Variants in TEAD2 observed in about 807,000 individuals in gnomAD.
TEAD2 encodes TEA domain transcription factor 2.
TEAD2 carries 51 observed loss-of-function variants against 61.4 expected under a neutral mutation model. The observed-to-expected ratio is 0.83, with a 90% CI of 0.66 to 1.05. TEAD2 has a LOEUF of 1.05. TEAD2 is among the 50% of genes least tolerant of loss of function. The probability of loss-of-function intolerance (pLI) is 0.00; values close to 1 mark genes in which losing one functional copy is unlikely to be tolerated. For missense variants in TEAD2, 509 were observed against 600.0 expected (o/e 0.85, Z 1.58); for synonymous variants, 244 against 243.2 (o/e 1.00, Z -0.03).
At chr19:49,357,348 A>G (rs1217899063) in intron 3 of TEAD2, 34 bp from the exon 4 acceptor site, 2 of 1,609,172 alleles carry the variant, frequency 1.2e-6, no homozygotes, top group East Asian at 2.2e-5. Context: ...GATTCAGGCC[A>G]CAGCCACCGC....
At chr19:49,346,229 T>G (rs1043404134) in intron 10 of TEAD2, among the ~76,000 whole-genome samples, 6 of 150,958 alleles carry the variant, frequency 4.0e-5, no homozygotes, top group Non-Finnish European at 5.9e-5. Context: ...CCTGTAGTGT[T>G]AGTCATCATA....
rs1248155145 is a variant in TEAD2, at chr19:49,341,285, AGGGTGTTCTGGG to A, written c.*27_*38del. On this transcript the variant is annotated 3_prime_UTR_variant, in exon 13 of 13. Coordinates refer to ENST00000593945, the MANE Select transcript of TEAD2 (RefSeq NM_001256660.2). The surrounding 1 kb of genome is among the most constrained non-coding windows in gnomAD (Gnocchi z 4.2). ...GAGCTGGAGGACCCTCCCTGGGAGG[AGGGTGTTCTGGG>A]GGGTGAGCCAGTTTTGGGGTCCCCC... 6.5e-7 allele frequency: 1 copy of A among 1,543,622 alleles called. No individual in the cohort carries two copies. The highest frequency in any genetic ancestry group is 1.1e-5 in the South Asian group (1 of 89,672).
At chr19:49,343,855 T>TGGGGG (rs549395579) in intron 10 of TEAD2, among the ~76,000 whole-genome samples, 4 of 113,508 alleles carry the variant, frequency 3.5e-5, no homozygotes, top group South Asian at 3.0e-4. Context: ...TCTTTTTTTT[T>TGGGGG]GGGGGGGGGG....
chr19:49,359,564 A>G lies in TEAD2; in HGVS notation c.233-65T>C. 6.4e-7 allele frequency: 1 copy of G among 1,566,494 alleles called. No homozygotes were observed. The highest frequency in any genetic ancestry group is 8.8e-7 in the Non-Finnish European group (1 of 1,137,302). On this transcript the variant is annotated intron_variant, in intron 2 of 12. Coordinates refer to ENST00000593945, the MANE Select transcript of TEAD2 (RefSeq NM_001256660.2). The surrounding 1 kb of genome is among the most constrained non-coding windows in gnomAD (Gnocchi z 4.1). ...AACAGAACTTCCCCACAGCATGGAC[A>G]CCAGGGAAGAAGAAAGCAGCATGGG... is the stretch of plus-strand genomic sequence containing the variant.
intron 4 of TEAD2, among the ~76,000 whole-genome samples, chr19:49,356,982 CTCTG>C (rs778259464): frequency 2.0e-5 from 3 of 151,868 alleles, no homozygotes; most frequent in African/African-American, 7.3e-5. Flanking sequence ...CTCTGTCCCC[CTCTG>C]TCTATGGGTC....
At chr19:49,355,127 G>C (rs750909244) in intron 7 of TEAD2, 21 bp downstream of exon 7, 5 of 1,599,608 alleles carry the variant, frequency 3.1e-6, no homozygotes, top group Non-Finnish European at 4.3e-6. Context: ...CAGGTGCTGA[G>C]CCAGGACACA....
chr19:49,351,246 G>C, intron 8 of TEAD2, 55 bp downstream of exon 8: 1 of 1,522,386 alleles, frequency 6.6e-7, no homozygotes, highest in Non-Finnish European at 9.0e-7. Flanking sequence ...AGGAAAGGCA[G>C]TAGGGGTCGA....
In TEAD2 at chr19:49,359,421, G is replaced by A. The variant is rs1299845593; in HGVS notation, c.297+14C>T. ...GCCCATCCCAGACAGAAGCCCACAA[G>A]TCCATTCCGAGACCTGTTTTCGAGT... On this transcript the variant is annotated intron_variant, in intron 3 of 12. Transcript: ENST00000593945. This position sits in a 1 kb window ranked among gnomAD's most constrained non-coding sequence, Gnocchi z 4.1. The A allele has an allele frequency of 2.5e-6, 4 of 1,613,722 alleles. No homozygotes were observed. The highest frequency in any genetic ancestry group is 3.4e-6 in the Non-Finnish European group (4 of 1,179,868).
intron 7 of TEAD2, among the ~76,000 whole-genome samples, chr19:49,353,564 G>A (rs1223079945): frequency 4.6e-5 from 7 of 152,194 alleles, no homozygotes; most frequent in African/African-American, 7.2e-5. Context: ...TTTGATGAAC[G>A]CTCATTTCCC....
Position 49,341,476 on chromosome 19 carries a change from G to C in TEAD2, c.1243-39C>G. ...CAGGACAAGGGACTTATGCTTAGAAGGGAGGGCAGGGACCCCTGTGCCCCC... is the reference window on the plus strand; with the variant it reads ...CAGGACAAGGGACTTATGCTTAGAACGGAGGGCAGGGACCCCTGTGCCCCC... On this transcript the variant is annotated intron_variant, in intron 12 of 12. Transcript: ENST00000593945. This position sits in a 1 kb window ranked among gnomAD's most constrained non-coding sequence, Gnocchi z 4.2. 4 of 1,549,176 alleles carry C rather than the reference G, an allele frequency of 2.6e-6. No individual in the cohort carries two copies. The highest frequency in any genetic ancestry group is 1.1e-5 in the South Asian group (1 of 89,562).
Position 49,359,530 on chromosome 19 carries a change from T to C in TEAD2, c.233-31A>G, listed in dbSNP as rs773674383. The C allele has an allele frequency of 6.2e-7, 1 of 1,612,592 alleles. No individual in the cohort carries two copies. The highest frequency in any genetic ancestry group is 8.5e-7 in the Non-Finnish European group (1 of 1,178,702). ...GATTCAAAGACGGAACAGAGTTAGTTAGACTTTCAACAGAACTTCCCCACA... is the reference window on the plus strand; with the variant it reads ...GATTCAAAGACGGAACAGAGTTAGTCAGACTTTCAACAGAACTTCCCCACA... On this transcript the variant is annotated intron_variant, in intron 2 of 12. Transcript: ENST00000593945. This position sits in a 1 kb window ranked among gnomAD's most constrained non-coding sequence, Gnocchi z 4.1.
rs752700410 is a variant in TEAD2 at position 49,348,830 on chromosome 19, T to TG, written c.619dup (p.Gln207ProfsTer42). On this transcript the variant is annotated frameshift_variant, in exon 9 of 13. Transcript: ENST00000593945. LOFTEE classifies it high-confidence loss of function. ...AGGTGGGGGCAGGGGTGAGAGGGCT[T>TG]GGGGGGGCTCGTACCCTAGAGAGAG... 5 of 1,573,820 alleles carry TG rather than the reference T, an allele frequency of 3.2e-6. No homozygotes were observed.
chr19:49,351,192 T>A (rs191226827), intron 8 of TEAD2, 109 bp downstream of exon 8: 1,077 of 1,155,418 alleles, frequency 9.3e-4, no homozygotes, highest in Non-Finnish European at 1.2e-3. Context: ...CAAAACAAAA[T>A]AAAACAAAAA....
intron 10 of TEAD2, among the ~76,000 whole-genome samples, chr19:49,343,738 TA>T (rs749162402): frequency 1.3e-3 from 183 of 137,360 alleles, no homozygotes; most frequent in African/African-American, 1.4e-3. Context: ...AACTCCATCT[TA>T]AAAAAAAAAA....
At position 49,341,247 on chromosome 19, in the gene TEAD2, A is replaced by G; in HGVS notation, c.*77T>C. ...TACATCACAGCCCTCTCCCCAAATA[A>G]GAAGCATGAGGTGAGCTGGAGGACC... is the stretch of plus-strand genomic sequence containing the variant. On this transcript the variant is annotated 3_prime_UTR_variant, in exon 13 of 13. Coordinates refer to ENST00000593945, the MANE Select transcript of TEAD2 (RefSeq NM_001256660.2). The surrounding 1 kb of genome is among the most constrained non-coding windows in gnomAD (Gnocchi z 4.2). The G allele has an allele frequency of 1.6e-6, 2 of 1,220,080 alleles. No homozygotes were observed. The highest frequency in any genetic ancestry group is 2.4e-5 in the South Asian group (2 of 82,730). 75.6% of individuals were successfully genotyped at this position (1,220,080 alleles called of 1,614,324 possible). A position where few individuals can be genotyped will look rare whatever the true frequency, so the allele number is the denominator to read the frequency against.
chr19:49,347,523 T>C, intron 9 of TEAD2, 160 bp from the exon 10 acceptor site: 2 of 762,438 alleles, frequency 2.6e-6, no homozygotes, highest in South Asian at 3.6e-5. Context: ...TCGTCCCCAC[T>C]CCTGCTTCTG....
chr19:49,350,015 T>C (rs958722488), intron 8 of TEAD2, among the ~76,000 whole-genome samples: 4 of 152,248 alleles, frequency 2.6e-5, no homozygotes, highest in Non-Finnish European at 5.9e-5. Context: ...GCACTTTTAA[T>C]GTGGGTCTTC....
chr19:49,359,482 C>A lies in TEAD2; in HGVS notation c.250G>T (p.Ala84Ser), dbSNP rs200637426. 3.7e-6 allele frequency: 6 copies of A among 1,613,972 alleles called. No individual in the cohort carries two copies. The Admixed American group carries it at 5.0e-5, about 13-fold the overall frequency. The change falls in exon 3 of 13, where the codon GCC becomes TCC. Residue 84 changes from alanine (A) to serine (S), a missense_variant. Physicochemically the swap from Ala to Ser is moderately conservative, Grantham distance 99. Coordinates refer to ENST00000593945, the MANE Select transcript of TEAD2 (RefSeq NM_001256660.2). The surrounding 1 kb of genome is among the most constrained non-coding windows in gnomAD (Gnocchi z 4.1). ...GKMYGRNELI[A>S]RYIKLRTGKT... ...CCCGTTCTCAGCTTGATGTAGCGGG[C>A]GATCAGTTCATTCCGACCTGAAGAT... is the stretch of plus-strand genomic sequence containing the variant.
chr19:49,342,541 C>G lies in TEAD2; in HGVS notation c.1139G>C (p.Arg380Pro). ...CACCAGGTACTCGCACATGGGCGAG[C>G]GCAGCAGGCGGTACACAAATCTGCC... Reference protein sequence around the residue: ...EDGRFVYRLLRSPMCEYLVNF... With the variant: ...EDGRFVYRLLPSPMCEYLVNF... The change falls in exon 12 of 13, where the codon CGC (arginine) becomes CCC (proline). Residue 380 changes from arginine (R) to proline (P), a missense_variant. By Grantham distance (103) the Arg-to-Pro change is moderately radical. Coordinates refer to ENST00000593945, the MANE Select transcript of TEAD2 (RefSeq NM_001256660.2). 1 of 1,614,042 alleles carries G rather than the reference C, an allele frequency of 6.2e-7. No homozygotes were observed. Among genetic ancestry groups the G allele is most frequent in the Non-Finnish European group, 8.5e-7 (1 of 1,179,958 alleles).
Sources: allele counts gnomAD v4.1 joint callset (sites outside exome capture counted in the v4.1 genomes callset), GRCh38; gene constraint gnomAD v4.1.1; non-coding constraint Gnocchi (gnomAD v3.1); transcripts MANE v1.5; gene names NCBI Gene and HGNC (gene_info 2026-07-23, HGNC 2026-07-21).